Variants in DIAPH3 observed in about 807,000 individuals in gnomAD.
DIAPH3 encodes the protein protein diaphanous homolog 3.
Under a neutral mutation model 144.3 loss-of-function variants are expected in DIAPH3, and 117 were observed. That is an observed-to-expected ratio of 0.81 (90% CI 0.70 to 0.95). The LOEUF (loss-of-function observed/expected upper bound fraction) is 0.95, where lower values mean the gene tolerates loss of function less well. Ranked by LOEUF, DIAPH3 falls within the 40% of genes least tolerant of loss-of-function variation. The pLI, the probability that DIAPH3 is intolerant of heterozygous loss-of-function variation, is 0.00. For synonymous variants in DIAPH3, 519 were observed against 488.9 expected (o/e 1.06, Z -0.81); for missense variants, 1,421 against 1,412.7 (o/e 1.01, Z -0.09).
intron 22 of DIAPH3, 162 bp downstream of exon 22, chr13:59,861,245 G>T: frequency 6.6e-7 from 1 of 1,518,738 alleles, no homozygotes; most frequent in South Asian, 1.3e-5. Context: ...CTCCAATCAT[G>T]ACAACTCATA....
chr13:60,028,585 C>A (rs145233653), intron 5 of DIAPH3, among the ~76,000 whole-genome samples: 1 of 151,966 alleles, frequency 6.6e-6, no homozygotes, highest in East Asian at 1.9e-4. Flanking sequence ...TTGTTCTGAC[C>A]GCTCACCTGT....
At chr13:59,670,130 A>G (rs1342000757) in intron 27 of DIAPH3, among the ~76,000 whole-genome samples, 2 of 152,174 alleles carry the variant, frequency 1.3e-5, no homozygotes, top group Non-Finnish European at 2.9e-5. Flanking sequence ...AGAAAACTCA[A>G]AATAGCTGTG....
intron 5 of DIAPH3, among the ~76,000 whole-genome samples, chr13:60,042,468 T>C (rs1438927516): frequency 6.6e-6 from 1 of 152,198 alleles, no homozygotes; most frequent in Non-Finnish European, 1.5e-5. Context: ...AAAAATTCTA[T>C]GTGGGCAAAA....
intron 20 of DIAPH3, among the ~76,000 whole-genome samples, chr13:59,893,684 C>T (rs2031907369): frequency 6.6e-6 from 1 of 151,878 alleles, no homozygotes; most frequent in Non-Finnish European, 1.5e-5. Context: ...CAGGAAAAAG[C>T]CCTCTATGTT....
intron 24 of DIAPH3, among the ~76,000 whole-genome samples, chr13:59,817,794 AT>A (rs1272124191): frequency 6.6e-6 from 1 of 151,740 alleles, no homozygotes; most frequent in Non-Finnish European, 1.5e-5. Flanking sequence ...TTATCCTTGT[AT>A]TTTTATTACA....
intron 1 of DIAPH3, among the ~76,000 whole-genome samples, chr13:60,142,860 C>T (rs1367509892): frequency 6.6e-6 from 1 of 152,062 alleles, no homozygotes; most frequent in East Asian, 1.9e-4. Flanking sequence ...TGAGCTCAAG[C>T]GATCAGCTTC....
chr13:60,073,272 G>A lies in DIAPH3; in HGVS notation c.495+20356C>T, dbSNP rs146940054. Among the ~76,000 whole-genome samples the A allele has an allele frequency of 3.9e-3, 594 of 151,574 alleles. 5 individuals carry two copies. The highest frequency in any genetic ancestry group is 0.014 in the African/African-American group (577 of 41,292). ...TGCAGTGAGCCGAGGCGGCGCCACT[G>A]CACTCCAGCCTGGGCAACAGAGCGG... On this transcript the variant is annotated intron_variant, in intron 4 of 27. Coordinates refer to ENST00000400324, the MANE Select transcript of DIAPH3 (RefSeq NM_001042517.2).
At position 59,911,674 on chromosome 13, in the gene DIAPH3, C is replaced by T. The variant is rs1025402319; in HGVS notation, c.2367+61G>A. 25 of 1,219,552 alleles carry T rather than the reference C, an allele frequency of 2.0e-5. No individual in the cohort carries two copies. In the Admixed American group the frequency reaches 3.8e-4, roughly 18 times the overall value. 75.5% of individuals were successfully genotyped at this position (1,219,552 alleles called of 1,614,324 possible). A position where few individuals can be genotyped will look rare whatever the true frequency, so the allele number is the denominator to read the frequency against. The stretch of plus-strand genomic sequence containing the variant: ...TTTTTTACATTTAGCGATATAAAAA[C>T]AGTTGACAGGTTCTCTTGTTTGGCA... On this transcript the variant is annotated intron_variant, in intron 20 of 27. Coordinates refer to ENST00000400324, the MANE Select transcript of DIAPH3 (RefSeq NM_001042517.2).
intron 17 of DIAPH3, among the ~76,000 whole-genome samples, chr13:59,938,624 T>A (rs896160639): frequency 7.9e-5 from 12 of 151,158 alleles, no homozygotes; most frequent in Admixed American, 2.6e-4. Context: ...AAAAAAAAAA[T>A]TAATAAAATG....
At chr13:60,008,383 A>G (rs538249871) in intron 9 of DIAPH3, among the ~76,000 whole-genome samples, 161 bp downstream of exon 9, 5 of 152,264 alleles carry the variant, frequency 3.3e-5, no homozygotes, top group African/African-American at 1.2e-4. Flanking sequence ...GCGACAAAGC[A>G]AGACTCCGTC....
At position 59,987,880 on chromosome 13, in the gene DIAPH3, A is replaced by G. The variant is rs756543861; in HGVS notation, c.1361+3278T>C. 2.0e-5 allele frequency among the ~76,000 whole-genome samples: 3 copies of G among 151,864 alleles called. No individual in the cohort carries two copies. In the East Asian group the frequency reaches 5.8e-4, roughly 29 times the overall value. ...TAAAAGATTTTATAAGCAAAACCAAACTAAAGTGATAAACAGGTTGGGTAC... is the reference window on the plus strand; with the variant it reads ...TAAAAGATTTTATAAGCAAAACCAAGCTAAAGTGATAAACAGGTTGGGTAC... On this transcript the variant is annotated intron_variant, in intron 12 of 27. Coordinates refer to ENST00000400324, the MANE Select transcript of DIAPH3 (RefSeq NM_001042517.2).
rs1279893489 is a variant in DIAPH3 at position 59,846,755 on chromosome 13, A to AGTTC, written c.2738-7311_2738-7308dup. Among the ~76,000 whole-genome samples the AGTTC allele has an allele frequency of 5.3e-5, 8 of 152,340 alleles. No individual in the cohort carries two copies. In the East Asian group the frequency reaches 1.5e-3, roughly 29 times the overall value. ...TCAAAGTAAAAATAAATTGTAGCTT[A>AGTTC]GTTCGTAACAGGCAAAGATAAATTG... is the stretch of plus-strand genomic sequence containing the variant. On this transcript the variant is annotated intron_variant, in intron 22 of 27. Coordinates refer to ENST00000400324, the MANE Select transcript of DIAPH3 (RefSeq NM_001042517.2).
chr13:59,955,456 G>A (rs1555341763), intron 17 of DIAPH3, among the ~76,000 whole-genome samples: 1 of 152,240 alleles, frequency 6.6e-6, no homozygotes, highest in East Asian at 1.9e-4. Flanking sequence ...GGCCTTCCCA[G>A]CCATGTGGAA....
rs1221889091 is a variant in DIAPH3, at chr13:60,111,891, A to C, written c.390+119T>G. 4 of 959,680 alleles carry C rather than the reference A, an allele frequency of 4.2e-6. No individual in the cohort carries two copies. In the African/African-American group the frequency reaches 4.9e-5, roughly 12 times the overall value. The allele number at this position is 959,680 out of a possible 1,614,324, so 59.4% of individuals were successfully genotyped here. A position where few individuals can be genotyped will look rare whatever the true frequency, so the allele number is the denominator to read the frequency against. Reference sequence around the variant, plus strand: ...CTCTTTGTGGCTGAAGTGCTATCTTAAGTGACATCAGAAATTAGCCTATGG... The same window carrying C: ...CTCTTTGTGGCTGAAGTGCTATCTTCAGTGACATCAGAAATTAGCCTATGG... On this transcript the variant is annotated intron_variant, in intron 3 of 27. Coordinates refer to ENST00000400324, the MANE Select transcript of DIAPH3 (RefSeq NM_001042517.2).
intron 21 of DIAPH3, among the ~76,000 whole-genome samples, chr13:59,873,698 C>G (rs2044423955): frequency 9.4e-6 from 1 of 106,524 alleles, no homozygotes. Context: ...TTTTTTTTCA[C>G]TCTTTTTACC....
chr13:60,152,216 C>T (rs1951820243), intron 1 of DIAPH3, among the ~76,000 whole-genome samples: 1 of 152,042 alleles, frequency 6.6e-6, no homozygotes, highest in African/African-American at 2.4e-5. Flanking sequence ...TTACTAAGGG[C>T]TTCAAGAAAT....
rs78656219 is a variant in DIAPH3, at chr13:60,097,681, C to T, written c.391-3949G>A. On this transcript the variant is annotated intron_variant, in intron 3 of 27. Coordinates refer to ENST00000400324, the MANE Select transcript of DIAPH3 (RefSeq NM_001042517.2). ...TAACACCCTAAACTTTTGTGGGATACCCACTAGGCATGTAACTTCATCTAA... is the reference window on the plus strand; with the variant it reads ...TAACACCCTAAACTTTTGTGGGATATCCACTAGGCATGTAACTTCATCTAA... 6.9e-3 allele frequency among the ~76,000 whole-genome samples: 1,043 copies of T among 151,942 alleles called. 6 individuals carry two copies. The highest frequency in any genetic ancestry group is 9.2e-3 in the Non-Finnish European group (623 of 67,982).
At chr13:60,005,301 T>C (rs2052787113) in intron 9 of DIAPH3, among the ~76,000 whole-genome samples, 1 of 152,198 alleles carries the variant, frequency 6.6e-6, no homozygotes, top group African/African-American at 2.4e-5. Context: ...GTCTGGAATA[T>C]GCAACTCTAT....
At chr13:60,081,435 C>G (rs1424291870) in intron 4 of DIAPH3, among the ~76,000 whole-genome samples, 2 of 151,818 alleles carry the variant, frequency 1.3e-5, no homozygotes, top group Non-Finnish European at 2.9e-5. Flanking sequence ...GTGCTAATAA[C>G]CCTGAATTGT....
Sources: allele counts gnomAD v4.1 joint callset (sites outside exome capture counted in the v4.1 genomes callset), GRCh38; gene constraint gnomAD v4.1.1; transcripts MANE v1.5; gene names NCBI Gene and HGNC (gene_info 2026-07-23, HGNC 2026-07-21).